The following TMEM154 variants were observed in gnomAD, a reference collection of about 807,000 sequenced individuals.
TMEM154 encodes the protein transmembrane protein 154.
Under a neutral mutation model 24.5 loss-of-function variants are expected in TMEM154, and 27 were observed. The ratio of observed to expected loss-of-function variants is 1.10; its 90% CI spans 0.81 to 1.52. TMEM154 has a LOEUF of 1.52. TMEM154 is among the 40% of genes most tolerant of loss of function. The pLI is 0.00. For synonymous variants in TMEM154, 67 were observed against 76.8 expected (o/e 0.87, Z 0.67); for missense variants, 228 against 213.4 (o/e 1.07, Z -0.43).
chr4:152,646,790 A>AG, intron 3 of TMEM154: 1 of 602,198 alleles, frequency 1.7e-6, no homozygotes, highest in South Asian at 2.0e-5. Context: ...CAGGAGCTAC[A>AG]GGAGCCTCTG....
In TMEM154 at chr4:152,652,763, T is replaced by C. The variant is rs1239991974; in HGVS notation, c.229A>G (p.Ile77Val). The change falls in exon 2 of 7, where the codon ATA becomes GTA. Residue 77 changes from isoleucine to valine, a missense_variant. Transcript: ENST00000304385. ...ATCAATGGGATTAACACCATCAGTA[T>C]AAACTCTAACTGATTTTCATCCGGA... ...FAPDENQLEF[I>V]LMVLIPLILL... is the part of the protein sequence containing the mutation. 6.2e-7 allele frequency: 1 copy of C among 1,614,068 alleles called. No individual in the cohort carries two copies. The highest frequency in any genetic ancestry group is 1.7e-5 in the Admixed American group (1 of 60,034).
chr4:152,676,710 C>A (rs1453532844), intron 1 of TMEM154, among the ~76,000 whole-genome samples: 1 of 152,182 alleles, frequency 6.6e-6, no homozygotes, highest in Non-Finnish European at 1.5e-5. Context: ...ATATGAGATA[C>A]CACAGTGTCA....
At chr4:152,637,159 C>T (rs1283328340) in intron 6 of TMEM154, among the ~76,000 whole-genome samples, 1 of 152,142 alleles carries the variant, frequency 6.6e-6, no homozygotes, top group Admixed American at 6.5e-5. Context: ...CCTAAAACTG[C>T]CCTAAAAATA....
At chr4:152,679,811 G>T in intron 1 of TMEM154, 59 bp downstream of exon 1, 1 of 1,569,978 alleles carries the variant, frequency 6.4e-7, no homozygotes, top group East Asian at 2.3e-5. Context: ...TGTAGCCTCG[G>T]GCACCCTACC....
At chr4:152,679,815 C>G in intron 1 of TMEM154, 55 bp downstream of exon 1, 6 of 1,574,064 alleles carry the variant, frequency 3.8e-6, no homozygotes, top group Non-Finnish European at 5.2e-6. Context: ...GCCTCGGGCA[C>G]CCTACCAGCT....
At chr4:152,670,966 C>T (rs1444473646) in intron 1 of TMEM154, among the ~76,000 whole-genome samples, 1 of 152,108 alleles carries the variant, frequency 6.6e-6, no homozygotes, top group African/African-American at 2.4e-5. Context: ...AATTATAATA[C>T]AGATTAATAA....
chr4:152,651,076 T>G (rs185358308), intron 3 of TMEM154, among the ~76,000 whole-genome samples: 106 of 152,344 alleles, frequency 7.0e-4, no homozygotes, highest in African/African-American at 2.4e-3. Context: ...AGAATTGACT[T>G]TAAGTCACCA....
intron 3 of TMEM154, among the ~76,000 whole-genome samples, chr4:152,645,978 CAG>C (rs1262683551): frequency 2.8e-5 from 4 of 142,258 alleles, no homozygotes; most frequent in South Asian, 2.3e-4. Flanking sequence ...CACACACACA[CAG>C]ACACCACAAA....
chr4:152,628,585 A>G, intron 6 of TMEM154, 24 bp from the exon 7 acceptor site: 1 of 1,109,638 alleles, frequency 9.0e-7, no homozygotes, highest in Non-Finnish European at 1.2e-6. Context: ...AAAAAAAAAA[A>G]AAAAAAACAA....
In TMEM154 at chr4:152,621,196, C is replaced by T. The variant is rs1362892566; in HGVS notation, c.*7350G>A. On this transcript the variant is annotated 3_prime_UTR_variant, in exon 7 of 7. Transcript: ENST00000304385. ...GTGGCTGACCTACTTGGGAGGCTCA[C>T]CCTTGTGCTGGTTCCCTCTCTTTCC... is the stretch of plus-strand genomic sequence containing the variant. The T allele has an allele frequency of 6.6e-6, 1 of 152,228 alleles. No homozygotes were observed. The highest frequency in any genetic ancestry group is 1.5e-5 in the Non-Finnish European group (1 of 68,046). 9.4% of individuals were successfully genotyped at this position (152,228 alleles called of 1,614,324 possible).
At chr4:152,647,117 C>T (rs1728264019) in intron 3 of TMEM154, 12 of 1,431,806 alleles carry the variant, frequency 8.4e-6, no homozygotes, top group Non-Finnish European at 1.1e-5. Context: ...AAGTTTTGGC[C>T]AAGTCCTCTC....
At chr4:152,633,645 T>A (rs1752092438) in intron 6 of TMEM154, among the ~76,000 whole-genome samples, 1 of 152,104 alleles carries the variant, frequency 6.6e-6, no homozygotes, top group South Asian at 2.1e-4. Context: ...TAGCAAGCAA[T>A]TTTTCTAGGA....
chr4:152,628,359 C>T lies in TMEM154; in HGVS notation c.*187G>A. On this transcript the variant is annotated 3_prime_UTR_variant, in exon 7 of 7. Coordinates refer to ENST00000304385, the MANE Select transcript of TMEM154 (RefSeq NM_152680.3). ...GCCTTTTCCTAGTACTTCTCAATTG[C>T]ACATTCTTCCAAGTGCAAGTGATGC... is the stretch of plus-strand genomic sequence containing the variant. 5.0e-6 allele frequency: 5 copies of T among 1,004,384 alleles called. No individual in the cohort carries two copies. The highest frequency in any genetic ancestry group is 1.5e-6 in the Non-Finnish European group (1 of 660,340). 62.2% of individuals were successfully genotyped at this position (1,004,384 alleles called of 1,614,324 possible).
chr4:152,643,788 G>A (rs1048904877), intron 4 of TMEM154, among the ~76,000 whole-genome samples: 1 of 152,208 alleles, frequency 6.6e-6, no homozygotes, highest in African/African-American at 2.4e-5. Flanking sequence ...AGCAGCGTAG[G>A]CGGTACACTG....
intron 1 of TMEM154, among the ~76,000 whole-genome samples, chr4:152,653,526 A>G (rs1193295930): frequency 2.0e-5 from 3 of 150,286 alleles, no homozygotes; most frequent in African/African-American, 7.3e-5. Context: ...AGTAGCTGGG[A>G]TTACAGGCAT....
intron 1 of TMEM154, among the ~76,000 whole-genome samples, chr4:152,679,279 T>A (rs1729013582): frequency 6.6e-6 from 1 of 151,036 alleles, no homozygotes; most frequent in Non-Finnish European, 1.5e-5. Context: ...AGTAACAAGG[T>A]GCAATAAAAG....
intron 1 of TMEM154, among the ~76,000 whole-genome samples, chr4:152,678,243 T>A (rs914703279): frequency 6.6e-6 from 1 of 151,938 alleles, no homozygotes; most frequent in East Asian, 1.9e-4. Flanking sequence ...AGGGGGAAGA[T>A]GTGCACGATC....
intron 1 of TMEM154, among the ~76,000 whole-genome samples, chr4:152,664,497 C>T (rs1350725899): frequency 6.6e-6 from 1 of 152,094 alleles, no homozygotes; most frequent in Non-Finnish European, 1.5e-5. Context: ...ACCTATGTAA[C>T]AAACCTGCAC....
chr4:152,660,426 G>A (rs931250732), intron 1 of TMEM154, among the ~76,000 whole-genome samples: 4 of 149,632 alleles, frequency 2.7e-5, no homozygotes, highest in African/African-American at 1.0e-4. Context: ...TACTGTAGCC[G>A]CTGTTACTAT....
Sources: allele counts gnomAD v4.1 joint callset (sites outside exome capture counted in the v4.1 genomes callset), GRCh38; gene constraint gnomAD v4.1.1; transcripts MANE v1.5; gene names NCBI Gene and HGNC (gene_info 2026-07-23, HGNC 2026-07-21).